NALF1: variants seen among roughly 807,000 people sequenced by gnomAD.
NALF1 encodes the protein family with sequence similarity 155 member A.
Under a neutral mutation model 48.4 loss-of-function variants are expected in NALF1, and 3 were observed. The observed-to-expected ratio is 0.06, with a 90% CI of 0.03 to 0.16. The LOEUF is 0.16. NALF1 is among the 10% of genes least tolerant of loss of function. The probability of loss-of-function intolerance (pLI) is 1.00; values close to 1 mark genes in which losing one functional copy is unlikely to be tolerated. For missense variants in NALF1, 526 were observed against 571.5 expected, an observed-to-expected ratio of 0.92 and a Z score of 0.81; for synonymous variants, 262 against 245.7, an observed-to-expected ratio of 1.07 and a Z score of -0.62.
At chr13:107,331,484 C>T (rs1284512037) in intron 1 of NALF1, among the ~76,000 whole-genome samples, 2 of 152,110 alleles carry the variant, frequency 1.3e-5, no homozygotes, top group East Asian at 3.9e-4. Flanking sequence ...CAGAGGTCCA[C>T]AAAAATTAAG....
chr13:107,324,482 G>T (rs1417671259), intron 1 of NALF1, among the ~76,000 whole-genome samples: 1 of 152,096 alleles, frequency 6.6e-6, no homozygotes, highest in Non-Finnish European at 1.5e-5. Flanking sequence ...GGGAGTGGGG[G>T]GAAGAACAGT....
intron 1 of NALF1, among the ~76,000 whole-genome samples, chr13:107,819,683 T>TTCTCTCTCTCTCTCTCTCTC (rs35254661): frequency 3.4e-4 from 46 of 136,544 alleles, no homozygotes; most frequent in Admixed American, 6.6e-4. Context: ...CAGCTGGAAA[T>TTCTCTCTCTCTCTCTCTCTC]TCTCTCTCTC....
intron 1 of NALF1, among the ~76,000 whole-genome samples, chr13:107,827,135 A>G (rs1416524590): frequency 6.6e-6 from 1 of 152,218 alleles, no homozygotes; most frequent in African/African-American, 2.4e-5. Flanking sequence ...ACAGACTCCT[A>G]AAACTACAAA....
At chr13:107,781,367 A>G (rs920214069) in intron 1 of NALF1, among the ~76,000 whole-genome samples, 3 of 152,206 alleles carry the variant, frequency 2.0e-5, no homozygotes, top group Admixed American at 2.0e-4. Flanking sequence ...AAAAATCAAC[A>G]TTCCATTGAA....
At chr13:107,400,271 G>A (rs1173242345) in intron 1 of NALF1, among the ~76,000 whole-genome samples, 1 of 152,098 alleles carries the variant, frequency 6.6e-6, no homozygotes, top group African/African-American at 2.4e-5. Context: ...AAAATAGTAG[G>A]TGATTAACTT....
chr13:107,248,881 A>T (rs752360591), intron 1 of NALF1, among the ~76,000 whole-genome samples: 2 of 146,148 alleles, frequency 1.4e-5, no homozygotes, highest in Admixed American at 1.3e-4. Flanking sequence ...GGATATGAAT[A>T]AACAGTACAA....
intron 1 of NALF1, among the ~76,000 whole-genome samples, chr13:107,760,962 G>A (rs1257319827): frequency 1.3e-5 from 2 of 152,208 alleles, no homozygotes; most frequent in East Asian, 3.9e-4. Flanking sequence ...AAGTACCACA[G>A]TAGCAACAGA....
rs144508034 is a variant in NALF1, at chr13:107,836,557, TA to T, written c.915+29124del. On this transcript the variant is annotated intron_variant, in intron 1 of 2. Coordinates refer to ENST00000375915, the MANE Select transcript of NALF1 (RefSeq NM_001080396.3). ...ATGAGATGGGATTTTTTTAATTTTA[TA>T]AAAAAATAAAATTTAATTAGGAAAA... Among the ~76,000 whole-genome samples, 1,520 of 152,098 alleles carry T rather than the reference TA, an allele frequency of 1.0e-2. 25 individuals carry two copies. The highest frequency in any genetic ancestry group is 0.031 in the African/African-American group (1,306 of 41,482).
At chr13:107,372,865 C>T (rs1415759356) in intron 1 of NALF1, among the ~76,000 whole-genome samples, 1 of 152,194 alleles carries the variant, frequency 6.6e-6, no homozygotes, top group Non-Finnish European at 1.5e-5. Context: ...TTCCCAAATA[C>T]ATGTAACTAT....
chr13:107,650,051 T>G (rs1464107697), intron 1 of NALF1, among the ~76,000 whole-genome samples: 7 of 152,216 alleles, frequency 4.6e-5, no homozygotes, highest in Non-Finnish European at 8.8e-5. Context: ...CAGATTAAAT[T>G]TGCCCTGCTG....
intron 1 of NALF1, among the ~76,000 whole-genome samples, chr13:107,319,468 A>G (rs1882212898): frequency 6.6e-6 from 1 of 152,106 alleles, no homozygotes; most frequent in Admixed American, 6.6e-5. Flanking sequence ...ACAGGATGGA[A>G]CAGATAAAGG....
intron 1 of NALF1, among the ~76,000 whole-genome samples, chr13:107,860,047 A>G (rs1001359676): frequency 6.6e-6 from 1 of 152,130 alleles, no homozygotes; most frequent in Admixed American, 6.6e-5. Context: ...GTATCTCATG[A>G]ATTAAACTTA....
At chr13:107,285,337 G>A (rs925829428) in intron 1 of NALF1, among the ~76,000 whole-genome samples, 2 of 152,218 alleles carry the variant, frequency 1.3e-5, no homozygotes, top group Non-Finnish European at 1.5e-5. Context: ...CTGAGGAAAT[G>A]AGAAATATTC....
chr13:107,174,045 C>A (rs1251850436), intron 2 of NALF1, among the ~76,000 whole-genome samples: 1 of 152,110 alleles, frequency 6.6e-6, no homozygotes, highest in Non-Finnish European at 1.5e-5. Context: ...TGTTGCTTTT[C>A]GAAGCAACTG....
At chr13:107,538,318 T>C (rs1268086699) in intron 1 of NALF1, among the ~76,000 whole-genome samples, 1 of 152,164 alleles carries the variant, frequency 6.6e-6, no homozygotes, top group Non-Finnish European at 1.5e-5. Flanking sequence ...CTTTCATGGA[T>C]CGGTAATCCT....
intron 1 of NALF1, among the ~76,000 whole-genome samples, chr13:107,506,384 T>A (rs1023178938): frequency 6.6e-6 from 1 of 152,162 alleles, no homozygotes; most frequent in Non-Finnish European, 1.5e-5. Flanking sequence ...TAGTACATTT[T>A]AAAATAAATA....
Position 107,718,684 on chromosome 13 carries a change from C to A in NALF1, c.915+146998G>T, listed in dbSNP as rs545261818. On this transcript the variant is annotated intron_variant, in intron 1 of 2. Coordinates refer to ENST00000375915, the MANE Select transcript of NALF1 (RefSeq NM_001080396.3). ...TCTTTGAAGCCAGTGTGATGTAGAT[C>A]CAACTCTGGGTTTCAATGGACTTAC... Among the ~76,000 whole-genome samples the A allele has an allele frequency of 3.3e-5, 5 of 152,280 alleles. No individual in the cohort carries two copies. The South Asian group carries it at 1.0e-3, about 32-fold the overall frequency.
At chr13:107,812,438 T>A in intron 1 of NALF1, among the ~76,000 whole-genome samples, 1 of 152,154 alleles carries the variant, frequency 6.6e-6, no homozygotes, top group East Asian at 1.9e-4. Context: ...GTGCAAAGAA[T>A]ATACAACATT....
chr13:107,663,339 A>G (rs1331432887), intron 1 of NALF1, among the ~76,000 whole-genome samples: 1 of 152,198 alleles, frequency 6.6e-6, no homozygotes, highest in Non-Finnish European at 1.5e-5. Context: ...AAAACTAATG[A>G]AATAGAAATT....
Sources: gnomAD v4.1 joint callset for allele counts (sites outside exome capture counted in the v4.1 genomes callset) on GRCh38, gnomAD v4.1.1 for gene constraint, MANE v1.5 for transcripts, NCBI Gene and HGNC (gene_info 2026-07-23, HGNC 2026-07-21) for gene names.